Variants in SCFD1 observed in about 807,000 individuals in gnomAD.
The protein encoded by SCFD1 is sec1 family domain containing 1.
Under a neutral mutation model 103.2 loss-of-function variants are expected in SCFD1, and 37 were observed. The ratio of observed to expected loss-of-function variants is 0.36; its 90% CI spans 0.28 to 0.47. SCFD1 has a LOEUF of 0.47. Among genes scored for constraint, SCFD1 ranks in the 20% least tolerant of loss-of-function variants. SCFD1 has a pLI of 1.00. For missense variants in SCFD1, 639 were observed against 761.2 expected, an observed-to-expected ratio of 0.84 and a Z score of 1.89; for synonymous variants, 264 against 245.0, an observed-to-expected ratio of 1.08 and a Z score of -0.73.
intron 19 of SCFD1, among the ~76,000 whole-genome samples, chr14:30,711,545 C>T (rs905082592): frequency 6.6e-6 from 1 of 152,144 alleles, no homozygotes. Context: ...ATAATTTATA[C>T]AACAGTGACT....
intron 13 of SCFD1, among the ~76,000 whole-genome samples, chr14:30,674,260 A>G (rs1888819910): frequency 6.6e-6 from 1 of 152,150 alleles, no homozygotes; most frequent in South Asian, 2.1e-4. Context: ...TATTAATGAT[A>G]AAGTAGGGCA....
At chr14:30,717,936 C>A (rs962139709) in intron 20 of SCFD1, among the ~76,000 whole-genome samples, 1 of 151,110 alleles carries the variant, frequency 6.6e-6, no homozygotes, top group Non-Finnish European at 1.5e-5. Flanking sequence ...CTCACTTAAT[C>A]CTCATTAGAA....
chr14:30,622,560 A>G, intron 1 of SCFD1, 161 bp downstream of exon 1: 1 of 1,274,870 alleles, frequency 7.8e-7, no homozygotes, highest in Non-Finnish European at 1.0e-6. Flanking sequence ...AGTTGCCATT[A>G]GCTTGAGGAC....
At chr14:30,706,358 C>T (rs1190312224) in intron 18 of SCFD1, among the ~76,000 whole-genome samples, 2 of 152,104 alleles carry the variant, frequency 1.3e-5, no homozygotes, top group Non-Finnish European at 2.9e-5. Context: ...AAATGATATA[C>T]ACCTAAATGT....
chr14:30,624,122 T>A (rs536048325), intron 1 of SCFD1, among the ~76,000 whole-genome samples: 1 of 152,194 alleles, frequency 6.6e-6, no homozygotes, highest in African/African-American at 2.4e-5. Context: ...TCCTGAAAAA[T>A]CTTTATTGAT....
At chr14:30,699,156 T>C (rs1239605370) in intron 15 of SCFD1, among the ~76,000 whole-genome samples, 1 of 152,228 alleles carries the variant, frequency 6.6e-6, no homozygotes, top group Admixed American at 6.5e-5. Flanking sequence ...ACAATATTTA[T>C]TTGTAAACAT....
chr14:30,627,229 A>G (rs969874507), intron 1 of SCFD1, among the ~76,000 whole-genome samples: 7 of 152,192 alleles, frequency 4.6e-5, no homozygotes, highest in African/African-American at 1.7e-4. Flanking sequence ...CAGACCCGTA[A>G]CTGTGATTTT....
intron 1 of SCFD1, 105 bp from the exon 2 acceptor site, chr14:30,628,104 C>T (rs1027256016): frequency 4.2e-6 from 3 of 707,254 alleles, no homozygotes; most frequent in African/African-American, 3.6e-5. Flanking sequence ...ATCAGTTTTA[C>T]TAGAGTTGAT....
intron 23 of SCFD1, among the ~76,000 whole-genome samples, chr14:30,725,724 G>C (rs1415827878): frequency 6.6e-6 from 1 of 152,030 alleles, no homozygotes; most frequent in African/African-American, 2.4e-5. Flanking sequence ...ATACTATGTT[G>C]AATAGCAGTG....
chr14:30,683,332 G>T, intron 14 of SCFD1: 1 of 627,520 alleles, frequency 1.6e-6, no homozygotes, highest in South Asian at 1.8e-5. Flanking sequence ...GCATTGTAAG[G>T]GTAGTCACTG....
chr14:30,650,628 A>G lies in SCFD1; in HGVS notation c.733A>G (p.Thr245Ala). 5 of 1,605,832 alleles carry G rather than the reference A, an allele frequency of 3.1e-6. 1 individual carries two copies. In the South Asian group the frequency reaches 4.4e-5, roughly 14 times the overall value. ...AAGAAACAGTCTTTTTACAGGTGAT[A>G]CACTTGGAGCTGGCCAATTCAGGTA... is the stretch of plus-strand genomic sequence containing the variant. ...DARNSLFTGD[T>A]LGAGQFSFQR... The change falls in exon 9 of 25, where the codon ACA becomes GCA. Residue 245 changes from threonine (T) to alanine (A), a missense_variant. By Grantham distance (58) the Thr-to-Ala change is moderately conservative. Coordinates refer to ENST00000458591, the MANE Select transcript of SCFD1 (RefSeq NM_016106.4).
chr14:30,646,851 G>A (rs1458588253), intron 7 of SCFD1, among the ~76,000 whole-genome samples: 1 of 152,024 alleles, frequency 6.6e-6, no homozygotes, highest in Non-Finnish European at 1.5e-5. Flanking sequence ...CAGGTTCTAT[G>A]TTTCCAGAAA....
At chr14:30,691,559 C>T (rs1890301747) in intron 14 of SCFD1, among the ~76,000 whole-genome samples, 1 of 152,192 alleles carries the variant, frequency 6.6e-6, no homozygotes, top group African/African-American at 2.4e-5. Flanking sequence ...GGTGCTCCCT[C>T]ATAATCAGTA....
intron 7 of SCFD1, 137 bp downstream of exon 7, chr14:30,643,542 C>T: frequency 4.8e-6 from 3 of 627,992 alleles, no homozygotes; most frequent in Non-Finnish European, 8.4e-6. Context: ...AATATATATT[C>T]AATAGTATAT....
At chr14:30,631,844 G>A (rs996157781) in intron 3 of SCFD1, among the ~76,000 whole-genome samples, 2 of 151,848 alleles carry the variant, frequency 1.3e-5, no homozygotes, top group African/African-American at 2.4e-5. Flanking sequence ...TCAGGAGTTC[G>A]AGACCAGCCT....
intron 14 of SCFD1, among the ~76,000 whole-genome samples, chr14:30,692,821 C>G (rs959400494): frequency 3.9e-5 from 6 of 152,290 alleles, no homozygotes; most frequent in Admixed American, 1.3e-4. Flanking sequence ...TTCACATTAA[C>G]AGTTCCTAGT....
At chr14:30,672,557 C>T (rs948144322) in intron 11 of SCFD1, among the ~76,000 whole-genome samples, 1 of 152,166 alleles carries the variant, frequency 6.6e-6, no homozygotes, top group East Asian at 1.9e-4. Flanking sequence ...ATGAAAAATA[C>T]TCATTTTAAG....
intron 14 of SCFD1, 116 bp downstream of exon 14, chr14:30,675,181 A>G: frequency 2.1e-6 from 1 of 484,650 alleles, no homozygotes; most frequent in Non-Finnish European, 3.7e-6. Flanking sequence ...CATGAAGTAT[A>G]ATTATGGAAG....
At chr14:30,681,844 T>C (rs1889508682) in intron 14 of SCFD1, among the ~76,000 whole-genome samples, 1 of 152,210 alleles carries the variant, frequency 6.6e-6, no homozygotes, top group South Asian at 2.1e-4. Context: ...ATAGATTTCA[T>C]GTGACTGTTT....
Sources: allele counts gnomAD v4.1 joint callset (sites outside exome capture counted in the v4.1 genomes callset), GRCh38; gene constraint gnomAD v4.1.1; transcripts MANE v1.5; gene names NCBI Gene and HGNC (gene_info 2026-07-23, HGNC 2026-07-21).